CFAP92: variants seen among roughly 807,000 people sequenced by gnomAD.
CFAP92 encodes the protein uncharacterized protein CFAP92.
CFAP92 carries 86 observed loss-of-function variants against 106.3 expected under a neutral mutation model. That is an observed-to-expected ratio of 0.81 (90% CI 0.68 to 0.97). The LOEUF (loss-of-function observed/expected upper bound fraction) is 0.97, where lower values mean the gene tolerates loss of function less well. Among genes scored for constraint, CFAP92 ranks in the 50% least tolerant of loss-of-function variants. The probability of loss-of-function intolerance (pLI) is 0.00; values close to 1 mark genes in which losing one functional copy is unlikely to be tolerated. For missense variants in CFAP92, 1,204 were observed against 1,283.8 expected (o/e 0.94, Z 0.95); for synonymous variants, 477 against 506.4 (o/e 0.94, Z 0.78).
Position 128,909,928 on chromosome 3 carries a change from A to G in CFAP92, c.*371T>C. 1.3e-6 allele frequency: 2 copies of G among 1,552,034 alleles called. No individual in the cohort carries two copies. The highest frequency in any genetic ancestry group is 1.8e-6 in the Non-Finnish European group (2 of 1,138,450). On this transcript the variant is annotated 3_prime_UTR_variant, in exon 16 of 16. Coordinates refer to ENST00000645291, the MANE Select transcript of CFAP92 (RefSeq NM_001394090.1). ...ACTCCACTTTCTCAAGGAACACAGG[A>G]GACTAAGACAGGCAAAGATGCAGCC...
chr3:128,930,833 G>A (rs372264223), intron 12 of CFAP92, among the ~76,000 whole-genome samples: 1 of 152,166 alleles, frequency 6.6e-6, no homozygotes, highest in African/African-American at 2.4e-5. Context: ...ATATATTCTT[G>A]TACATATCTA....
intron 9 of CFAP92, among the ~76,000 whole-genome samples, chr3:128,952,482 A>G (rs574775821): frequency 6.6e-6 from 1 of 152,334 alleles, no homozygotes; most frequent in African/African-American, 2.4e-5. Context: ...AGAAAAATCA[A>G]CTTGAATGGG....
chr3:128,944,026 C>T (rs1432053906), intron 10 of CFAP92, among the ~76,000 whole-genome samples: 2 of 148,014 alleles, frequency 1.4e-5, no homozygotes, highest in Non-Finnish European at 3.0e-5. Context: ...GCCTCCTGGG[C>T]TCAAGTGATT....
In CFAP92 at chr3:128,935,182, T is replaced by C. The variant is rs1938859141; in HGVS notation, c.2396A>G (p.Gln799Arg). 1 of 1,535,834 alleles carries C rather than the reference T, an allele frequency of 6.5e-7. No individual in the cohort carries two copies. Among genetic ancestry groups the C allele is most frequent in the Non-Finnish European group, 8.7e-7 (1 of 1,146,784 alleles). ...LFQPTELLLQ[Q>R]AVFFLRDTER... Reference sequence around the variant, plus strand: ...AGTGTCTCGCAGGAAGAACACCGCCTGCTGCAGCAGCAGCTCCGTGGGCTG... The same window carrying C: ...AGTGTCTCGCAGGAAGAACACCGCCCGCTGCAGCAGCAGCTCCGTGGGCTG... Residue 799 changes from glutamine to arginine, a missense_variant, in exon 11 of 16, where the codon CAG becomes CGG. By Grantham distance (43) the Gln-to-Arg change is conservative. Coordinates refer to ENST00000645291, the MANE Select transcript of CFAP92 (RefSeq NM_001394090.1).
chr3:128,987,731 G>A lies in CFAP92; in HGVS notation c.552C>T (p.Phe184=), dbSNP rs1321954934. 2 of 1,613,800 alleles carry A rather than the reference G, an allele frequency of 1.2e-6. No individual in the cohort carries two copies. Among genetic ancestry groups the A allele is most frequent in the African/African-American group, 2.7e-5 (2 of 74,928 alleles). Residue 184 remains phenylalanine (F), a synonymous_variant, in exon 4 of 16, where the codon TTC becomes TTT. Coordinates refer to ENST00000645291, the MANE Select transcript of CFAP92 (RefSeq NM_001394090.1). The part of the protein sequence containing the change: ...VTKELLKKIN[F]HKITLRLWNT... Reference sequence around the variant, plus strand: ...TCCAGAGCCTCAAGGTGATTTTGTGGAAATTTATTTTCTTTAATAATTCCT... The same window carrying A: ...TCCAGAGCCTCAAGGTGATTTTGTGAAAATTTATTTTCTTTAATAATTCCT...
intron 4 of CFAP92, among the ~76,000 whole-genome samples, chr3:128,980,951 A>G (rs1943490378): frequency 6.6e-6 from 1 of 152,128 alleles, no homozygotes; most frequent in African/African-American, 2.4e-5. Context: ...AACTCCTGTT[A>G]ATGTTGATGT....
intron 15 of CFAP92, chr3:128,912,493 C>A: frequency 1.9e-6 from 3 of 1,611,416 alleles, no homozygotes; most frequent in Non-Finnish European, 2.5e-6. Flanking sequence ...ACCATCTCTC[C>A]TTTTCCTTCC....
At chr3:128,933,127 C>G (rs919336595) in intron 11 of CFAP92, 130 bp from the exon 12 acceptor site, 16 of 813,142 alleles carry the variant, frequency 2.0e-5, no homozygotes, top group African/African-American at 3.4e-5. Flanking sequence ...GAGCTTGTGA[C>G]TAAAGAGCTC....
At position 128,945,184 on chromosome 3, in the gene CFAP92, C is replaced by T; in HGVS notation, c.2145G>A (p.Gln715=). ...FKVRVRVQEQ[Q]HLDVLTGFHL... ...GGAAGCCAGTGAGCACATCCAGGTG[C>T]TGCTGCTCCTGGACCCGCACACGCA... is the stretch of plus-strand genomic sequence containing the variant. Residue 715 remains glutamine (Q), a synonymous_variant, in exon 10 of 16, where the codon CAG becomes CAA. Transcript: ENST00000645291. 6.5e-7 allele frequency: 1 copy of T among 1,536,188 alleles called. No individual in the cohort carries two copies. The highest frequency in any genetic ancestry group is 8.7e-7 in the Non-Finnish European group (1 of 1,146,910).
chr3:128,943,797 A>G (rs537560988), intron 10 of CFAP92, among the ~76,000 whole-genome samples: 1 of 152,016 alleles, frequency 6.6e-6, no homozygotes, highest in African/African-American at 2.4e-5. Context: ...TCAGCCTCCC[A>G]AAGTGCTGGG....
intron 10 of CFAP92, among the ~76,000 whole-genome samples, chr3:128,938,489 T>C (rs1429899247): frequency 4.9e-5 from 5 of 102,630 alleles, no homozygotes; most frequent in African/African-American, 1.7e-4. Flanking sequence ...GCCTTCACCA[T>C]TCTTTTTTTT....
chr3:128,962,804 T>TA (rs1559903463), intron 9 of CFAP92, among the ~76,000 whole-genome samples: 1 of 152,184 alleles, frequency 6.6e-6, no homozygotes, highest in Non-Finnish European at 1.5e-5. Context: ...TTACCTGTCC[T>TA]AAAACCAGAC....
At chr3:128,943,162 C>T (rs1297834132) in intron 10 of CFAP92, among the ~76,000 whole-genome samples, 1 of 152,186 alleles carries the variant, frequency 6.6e-6, no homozygotes, top group Non-Finnish European at 1.5e-5. Flanking sequence ...TCGTGATCTG[C>T]CTGCCTCATC....
intron 10 of CFAP92, among the ~76,000 whole-genome samples, chr3:128,943,172 C>A (rs569111450): frequency 3.9e-4 from 60 of 152,294 alleles, no homozygotes; most frequent in Non-Finnish European, 7.6e-4. Flanking sequence ...CCTGCCTCAT[C>A]CTCCCAAAGT....
chr3:128,984,165 C>A (rs993150303), intron 4 of CFAP92, among the ~76,000 whole-genome samples: 1 of 152,164 alleles, frequency 6.6e-6, no homozygotes. Context: ...CCTGAGAAAT[C>A]GAGCAGACGA....
chr3:128,980,712 G>A (rs1239939487), intron 4 of CFAP92, among the ~76,000 whole-genome samples: 1 of 152,168 alleles, frequency 6.6e-6, no homozygotes, highest in African/African-American at 2.4e-5. Flanking sequence ...CTCTTCACGA[G>A]GAGTAGATTC....
chr3:128,918,198 G>C (rs539514520), intron 12 of CFAP92, among the ~76,000 whole-genome samples: 17 of 152,290 alleles, frequency 1.1e-4, no homozygotes, highest in African/African-American at 3.6e-4. Flanking sequence ...GGCCAGATGT[G>C]GTGGCTCATG....
rs1320612555 is a variant in CFAP92 at position 128,945,169 on chromosome 3, G to A, written c.2160C>T (p.Leu720=). ...RVQEQQHLDV[L]TGFHLLDGKT... ...TCCCGTCCAGCAGGTGGAAGCCAGT[G>A]AGCACATCCAGGTGCTGCTGCTCCT... The change falls in exon 10 of 16, where the codon CTC becomes CTT. Residue 720 remains leucine (L), a synonymous_variant. Coordinates refer to ENST00000645291, the MANE Select transcript of CFAP92 (RefSeq NM_001394090.1). 10 of 1,536,066 alleles carry A rather than the reference G, an allele frequency of 6.5e-6. No individual in the cohort carries two copies. Among genetic ancestry groups the A allele is most frequent in the Non-Finnish European group, 8.7e-6 (10 of 1,146,922 alleles).
intron 12 of CFAP92, among the ~76,000 whole-genome samples, chr3:128,919,293 CAA>C (rs1464940953): frequency 1.3e-5 from 2 of 151,842 alleles, no homozygotes; most frequent in Non-Finnish European, 2.9e-5. Context: ...ACTTTCAACA[CAA>C]AGATACAGGT....
Sources: allele counts gnomAD v4.1 joint callset (sites outside exome capture counted in the v4.1 genomes callset), GRCh38; gene constraint gnomAD v4.1.1; transcripts MANE v1.5; gene names NCBI Gene and HGNC (gene_info 2026-07-23, HGNC 2026-07-21).